OR2L2: variants seen among roughly 807,000 people sequenced by gnomAD.
The protein encoded by OR2L2 is olfactory receptor family 2 subfamily L member 2.
For missense variants in OR2L2, 378 were observed against 375.2 expected, an observed-to-expected ratio of 1.01 and a Z score of -0.06; for synonymous variants, 156 against 135.4, an observed-to-expected ratio of 1.15 and a Z score of -1.06.
intron 1 of OR2L2, among the ~76,000 whole-genome samples, chr1:248,035,047 T>TC (rs1662718804): frequency 6.6e-6 from 1 of 151,310 alleles, no homozygotes; most frequent in African/African-American, 2.4e-5. Context: ...TATTTATCTT[T>TC]CCCTTTTTTT....
intron 2 of OR2L2, among the ~76,000 whole-genome samples, chr1:248,037,764 C>T (rs1488781867): frequency 6.6e-6 from 1 of 152,154 alleles, no homozygotes; most frequent in East Asian, 1.9e-4. Flanking sequence ...CGTGGTTTCT[C>T]CTGTAATCAA....
In OR2L2 at chr1:248,039,188, C is replaced by G. The variant is rs1407639920; in HGVS notation, c.921C>G (p.Ile307Met). 6.2e-7 allele frequency: 1 copy of G among 1,609,178 alleles called. No homozygotes were observed. Residue 307 changes from isoleucine (I) to methionine (M), a missense_variant, in exon 3 of 3, where the codon ATC becomes ATG. Coordinates refer to ENST00000641771, the MANE Select transcript of OR2L2 (RefSeq NM_001385855.1). ...CCCTGACACAAGTGATTCAGAAAAT[C>G]TTCTCAGTGAAAATGTAGACATACG... ...MGALTQVIQK[I>M]FSVKM
In OR2L2 at chr1:248,038,343, G is replaced by T; in HGVS notation, c.76G>T (p.Val26Leu). 6.2e-7 allele frequency: 1 copy of T among 1,613,320 alleles called. No individual in the cohort carries two copies. Among genetic ancestry groups the T allele is most frequent in the Non-Finnish European group, 8.5e-7 (1 of 1,179,472 alleles). Residue 26 changes from valine to leucine, a missense_variant, in exon 3 of 3, where the codon GTA becomes TTA. By Grantham distance (32) the Val-to-Leu change is conservative. Coordinates refer to ENST00000641771, the MANE Select transcript of OR2L2 (RefSeq NM_001385855.1). ...LFPQSRIGLF[V>L]FTLIFLIFLM... ...CCCACAATCAAGAATTGGCCTTTTC[G>T]TATTCACCCTCATTTTTCTCATTTT...
chr1:248,039,023 A>G lies in OR2L2; in HGVS notation c.756A>G (p.Ala252=). The stretch of plus-strand genomic sequence containing the variant: ...TCACTGTAGTGTCCTTCTACTATGC[A>G]CCCTTTGCTTATACCTATGTACGTC... The part of the protein sequence containing the change: ...THLTVVSFYY[A]PFAYTYVRPR... The change falls in exon 3 of 3, where the codon GCA becomes GCG. Residue 252 remains alanine (A), a synonymous_variant. Coordinates refer to ENST00000641771, the MANE Select transcript of OR2L2 (RefSeq NM_001385855.1). 1.2e-6 allele frequency: 2 copies of G among 1,614,010 alleles called. No individual in the cohort carries two copies. Among genetic ancestry groups the G allele is most frequent in the South Asian group, 1.1e-5 (1 of 91,074 alleles).
Position 248,038,167 on chromosome 1 carries a change from T to C in OR2L2, c.-21-80T>C, listed in dbSNP as rs554283511. The C allele has an allele frequency of 3.8e-6, 3 of 797,544 alleles. No homozygotes were observed. The South Asian group carries it at 5.1e-5, about 14-fold the overall frequency. 49.4% of individuals were successfully genotyped at this position (797,544 alleles called of 1,614,324 possible). On this transcript the variant is annotated intron_variant, in intron 2 of 2. Transcript: ENST00000641771. ...TCAGTATCAACCCCAGTTTCAGGCA[T>C]CCACTGGGAGTCTTGTAATGCAGCC...
chr1:248,039,454 C>A lies in OR2L2; in HGVS notation c.*248C>A, dbSNP rs911939603. 4.0e-5 allele frequency: 12 copies of A among 300,172 alleles called. No homozygotes were observed. The highest frequency in any genetic ancestry group is 1.9e-4 in the Admixed American group (4 of 21,190). The allele number at this position is 300,172 out of a possible 1,614,324, so 18.6% of individuals were successfully genotyped here. On this transcript the variant is annotated 3_prime_UTR_variant, in exon 3 of 3. Transcript: ENST00000641771. The stretch of plus-strand genomic sequence containing the variant: ...TTTGTCTTTTTAATGGATTTTGGCT[C>A]TTGTTGCCCAGGCTCTAATGCAATG...
rs368145501 is a variant in OR2L2, at chr1:248,030,122, T to C, written c.-210T>C. ...AGAAAAATGAATATATGCATTTCTTTAAGCAATATTCTTAATGCTTACTCA... is the reference window on the plus strand; with the variant it reads ...AGAAAAATGAATATATGCATTTCTTCAAGCAATATTCTTAATGCTTACTCA... On this transcript the variant is annotated 5_prime_UTR_variant, in exon 1 of 3. Transcript: ENST00000641771. The C allele has an allele frequency of 6.6e-6, 1 of 152,188 alleles. No individual in the cohort carries two copies. Among genetic ancestry groups the C allele is most frequent in the Non-Finnish European group, 1.5e-5 (1 of 68,018 alleles). 9.4% of individuals were successfully genotyped at this position (152,188 alleles called of 1,614,324 possible). A position where few individuals can be genotyped will look rare whatever the true frequency, so the allele number is the denominator to read the frequency against.
Position 248,041,507 on chromosome 1 carries a change from T to A in OR2L2, c.*2301T>A, listed in dbSNP as rs1057189300. The A allele has an allele frequency of 1.3e-5, 2 of 152,022 alleles. No homozygotes were observed. Among genetic ancestry groups the A allele is most frequent in the African/African-American group, 4.8e-5 (2 of 41,324 alleles). The allele number at this position is 152,022 out of a possible 1,614,324, so 9.4% of individuals were successfully genotyped here. On this transcript the variant is annotated 3_prime_UTR_variant, in exon 3 of 3. Transcript: ENST00000641771. ...TGGCAACAAAAGCCAAAATTGACAATTGAGATCTAATTAAACTAAAGAGCT... is the reference window on the plus strand; with the variant it reads ...TGGCAACAAAAGCCAAAATTGACAAATGAGATCTAATTAAACTAAAGAGCT...
intron 2 of OR2L2, among the ~76,000 whole-genome samples, chr1:248,036,279 G>C (rs74153021): frequency 6.6e-6 from 1 of 150,946 alleles, no homozygotes; most frequent in Non-Finnish European, 1.5e-5. Context: ...TTTCACTTTC[G>C]TATTTTGAAA....
rs1662846683 is a variant in OR2L2 at position 248,038,759 on chromosome 1, T to C, written c.492T>C (p.Cys164=). The C allele has an allele frequency of 1.2e-6, 2 of 1,614,084 alleles. No homozygotes were observed. The highest frequency in any genetic ancestry group is 2.2e-5 in the South Asian group (2 of 91,084). Residue 164 remains cysteine, a synonymous_variant, in exon 3 of 3, where the codon TGT becomes TGC. Transcript: ENST00000641771. The part of the protein sequence containing the change: ...NSCAHTVYAL[C]IPYCKSRAIN... Reference sequence around the variant, plus strand: ...GTGCTCACACAGTATATGCACTCTGTATCCCATATTGCAAGTCCAGAGCCA... The same window carrying C: ...GTGCTCACACAGTATATGCACTCTGCATCCCATATTGCAAGTCCAGAGCCA...
intron 2 of OR2L2, 178 bp from the exon 3 acceptor site, chr1:248,038,069 C>A: frequency 2.2e-6 from 1 of 459,278 alleles, no homozygotes; most frequent in Non-Finnish European, 3.8e-6. Context: ...TTTTGTTAAT[C>A]TCTTCCTTGC....
chr1:248,033,036 C>A (rs572780552), intron 1 of OR2L2, among the ~76,000 whole-genome samples: 1 of 152,116 alleles, frequency 6.6e-6, no homozygotes, highest in Non-Finnish European at 1.5e-5. Flanking sequence ...GTTTGACTTA[C>A]AATATTTTAA....
At chr1:248,034,864 G>T (rs187976446) in intron 1 of OR2L2, among the ~76,000 whole-genome samples, 5 of 152,334 alleles carry the variant, frequency 3.3e-5, no homozygotes, top group African/African-American at 9.6e-5. Context: ...AATTGTGGGT[G>T]TATAGGAGTG....
rs899713212 is a variant in OR2L2 at position 248,040,557 on chromosome 1, C to T, written c.*1351C>T. The T allele has an allele frequency of 6.6e-6, 1 of 152,200 alleles. No individual in the cohort carries two copies. Among genetic ancestry groups the T allele is most frequent in the African/African-American group, 2.4e-5 (1 of 41,446 alleles). 9.4% of individuals were successfully genotyped at this position (152,200 alleles called of 1,614,324 possible). A position where few individuals can be genotyped will look rare whatever the true frequency, so the allele number is the denominator to read the frequency against. On this transcript the variant is annotated 3_prime_UTR_variant, in exon 3 of 3. Coordinates refer to ENST00000641771, the MANE Select transcript of OR2L2 (RefSeq NM_001385855.1). ...ACGTGAAGACAACAATGATGAAGAA[C>T]TTTATGACAAACCTCTATCCCTAAA...
chr1:248,038,685 T>G lies in OR2L2; in HGVS notation c.418T>G (p.Cys140Gly). The change falls in exon 3 of 3, where the codon TGT becomes GGT. Residue 140 changes from cysteine to glycine, a missense_variant. Transcript: ENST00000641771. ...TCCCATCCGTATAAGCAAAAGAGTG[T>G]GTGTGATGATGATAACAGGATCTTG... Reference protein sequence around the residue: ...HYPIRISKRVCVMMITGSWMI... With the variant: ...HYPIRISKRVGVMMITGSWMI... The G allele has an allele frequency of 6.2e-7, 1 of 1,614,150 alleles. No homozygotes were observed. Among genetic ancestry groups the G allele is most frequent in the Non-Finnish European group, 8.5e-7 (1 of 1,180,022 alleles).
Position 248,040,807 on chromosome 1 carries a change from A to G in OR2L2, c.*1601A>G, listed in dbSNP as rs529134646. Reference sequence around the variant, plus strand: ...ATATTCTACTGCTTGGCGGTCAGTGACCCTAATTTCCGCGTTGTCCTAGAG... The same window carrying G: ...ATATTCTACTGCTTGGCGGTCAGTGGCCCTAATTTCCGCGTTGTCCTAGAG... On this transcript the variant is annotated 3_prime_UTR_variant, in exon 3 of 3. Coordinates refer to ENST00000641771, the MANE Select transcript of OR2L2 (RefSeq NM_001385855.1). 6.6e-6 allele frequency: 1 copy of G among 152,236 alleles called. No individual in the cohort carries two copies. The highest frequency in any genetic ancestry group is 1.9e-4 in the East Asian group (1 of 5,182). The allele number at this position is 152,236 out of a possible 1,614,324, so 9.4% of individuals were successfully genotyped here. A position where few individuals can be genotyped will look rare whatever the true frequency, so the allele number is the denominator to read the frequency against.
chr1:248,041,201 G>A lies in OR2L2; in HGVS notation c.*1995G>A, dbSNP rs1032244396. 3.3e-5 allele frequency: 5 copies of A among 152,012 alleles called. No homozygotes were observed. The highest frequency in any genetic ancestry group is 6.6e-5 in the Admixed American group (1 of 15,252). 9.4% of individuals were successfully genotyped at this position (152,012 alleles called of 1,614,324 possible). On this transcript the variant is annotated 3_prime_UTR_variant, in exon 3 of 3. Coordinates refer to ENST00000641771, the MANE Select transcript of OR2L2 (RefSeq NM_001385855.1). ...ACAGAACAGAGCCCTCAGAAATAAC[G>A]CCGCATATCTACAACTATCTGATCT... is the stretch of plus-strand genomic sequence containing the variant.
At position 248,039,799 on chromosome 1, in the gene OR2L2, A is replaced by G. The variant is rs555625119; in HGVS notation, c.*593A>G. 6.6e-6 allele frequency: 1 copy of G among 152,328 alleles called. No individual in the cohort carries two copies. Among genetic ancestry groups the G allele is most frequent in the African/African-American group, 2.4e-5 (1 of 41,576 alleles). The allele number at this position is 152,328 out of a possible 1,614,324, so 9.4% of individuals were successfully genotyped here. A position where few individuals can be genotyped will look rare whatever the true frequency, so the allele number is the denominator to read the frequency against. On this transcript the variant is annotated 3_prime_UTR_variant, in exon 3 of 3. Transcript: ENST00000641771. ...ATTACTGAATCTAATTGAATATTAA[A>G]TAGTTTTTATTTACTCTCAACTGGT... is the stretch of plus-strand genomic sequence containing the variant.
At chr1:248,032,592 C>T (rs1662648717) in intron 1 of OR2L2, among the ~76,000 whole-genome samples, 1 of 152,166 alleles carries the variant, frequency 6.6e-6, no homozygotes, top group African/African-American at 2.4e-5. Context: ...ACTTCCTGTA[C>T]ATAAATTCAT....
Sources: allele counts gnomAD v4.1 joint callset (sites outside exome capture counted in the v4.1 genomes callset), GRCh38; gene constraint gnomAD v4.1.1; transcripts MANE v1.5; gene names NCBI Gene and HGNC (gene_info 2026-07-23, HGNC 2026-07-21).